The following FAM107B variants were observed in gnomAD, a reference collection of about 807,000 sequenced individuals.
The protein encoded by FAM107B is protein FAM107B.
FAM107B carries 21 observed loss-of-function variants against 31.5 expected under a neutral mutation model. That is an observed-to-expected ratio of 0.67 (90% CI 0.47 to 0.96). The LOEUF (loss-of-function observed/expected upper bound fraction) is 0.96. FAM107B is among the 40% of genes least tolerant of loss of function. The pLI, the probability that FAM107B is intolerant of heterozygous loss-of-function variation, is 0.00. For synonymous variants in FAM107B, 157 were observed against 141.5 expected (o/e 1.11, Z -0.78); for missense variants, 452 against 377.1 (o/e 1.20, Z -1.64).
chr10:14,641,528 G>A (rs754859763), intron 2 of FAM107B, among the ~76,000 whole-genome samples: 3 of 152,208 alleles, frequency 2.0e-5, no homozygotes, highest in Non-Finnish European at 4.4e-5. Context: ...CTCAGTGCCA[G>A]TATGGTTGGG....
Position 14,771,167 on chromosome 10 carries a change from GC to G in FAM107B, c.411+3085del, listed in dbSNP as rs139406116. On this transcript the variant is annotated intron_variant, in intron 1 of 4. Coordinates refer to ENST00000181796, the MANE Select transcript of FAM107B (RefSeq NM_031453.4). The stretch of plus-strand genomic sequence containing the variant: ...AGTCACTTGGTAATGAAAAATCTGG[GC>G]AGTTCTAAGCCACTTTTAATCAGAA... Among the ~76,000 whole-genome samples, 1,843 of 152,162 alleles carry G rather than the reference GC, an allele frequency of 0.012. 100 individuals are homozygous for G. The East Asian group carries it at 0.16, about 13-fold the overall frequency.
intron 3 of FAM107B, among the ~76,000 whole-genome samples, chr10:14,527,434 C>G (rs1588474880): frequency 6.6e-6 from 1 of 152,354 alleles, no homozygotes; most frequent in African/African-American, 2.4e-5. Context: ...GCCTGTAACA[C>G]ATAATCTCTG....
At chr10:14,739,991 C>A (rs1182241626) in intron 1 of FAM107B, among the ~76,000 whole-genome samples, 3 of 152,170 alleles carry the variant, frequency 2.0e-5, no homozygotes, top group Non-Finnish European at 2.9e-5. Flanking sequence ...AGATATAGAG[C>A]AACAGGAATG....
intron 2 of FAM107B, among the ~76,000 whole-genome samples, chr10:14,576,765 A>G (rs1213885656): frequency 1.3e-5 from 2 of 152,238 alleles, no homozygotes; most frequent in African/African-American, 4.8e-5. Context: ...CTACAAAATG[A>G]AAGAAGATTG....
At chr10:14,733,214 T>C (rs1856215007) in intron 1 of FAM107B, among the ~76,000 whole-genome samples, 1 of 152,010 alleles carries the variant, frequency 6.6e-6, no homozygotes, top group South Asian at 2.1e-4. Context: ...ATAACTTCTG[T>C]CACAGAAAGG....
chr10:14,593,873 G>T (rs1852096064), intron 2 of FAM107B, among the ~76,000 whole-genome samples: 1 of 152,048 alleles, frequency 6.6e-6, no homozygotes, highest in Admixed American at 6.6e-5. Flanking sequence ...GACTATATGT[G>T]GCAGGAAAAA....
intron 1 of FAM107B, among the ~76,000 whole-genome samples, chr10:14,740,368 C>G (rs1402661098): frequency 6.6e-6 from 1 of 152,174 alleles, no homozygotes; most frequent in African/African-American, 2.4e-5. Flanking sequence ...AGGATACATA[C>G]TGTATGATTC....
chr10:14,728,631 C>T (rs1856092750), intron 1 of FAM107B, among the ~76,000 whole-genome samples: 1 of 152,120 alleles, frequency 6.6e-6, no homozygotes, highest in Non-Finnish European at 1.5e-5. Context: ...CCTCTTACCG[C>T]ATGGTGATTT....
intron 2 of FAM107B, among the ~76,000 whole-genome samples, chr10:14,642,136 A>G (rs528512668): frequency 6.6e-6 from 1 of 152,358 alleles, no homozygotes; most frequent in East Asian, 1.9e-4. Flanking sequence ...GACAGACCCC[A>G]AGCAAGTCCA....
At chr10:14,719,978 G>GTA (rs1037267421) in intron 1 of FAM107B, among the ~76,000 whole-genome samples, 20 of 141,802 alleles carry the variant, frequency 1.4e-4, no homozygotes, top group African/African-American at 4.2e-4. Context: ...GACGGACTGG[G>GTA]TACCCCACAG....
chr10:14,761,136 C>A (rs934122617), intron 1 of FAM107B, among the ~76,000 whole-genome samples: 5 of 150,766 alleles, frequency 3.3e-5, no homozygotes, highest in Admixed American at 2.7e-4. Context: ...CAGGTTATTT[C>A]TTTTGTGCTT....
chr10:14,570,233 G>GGTGGGTGTGTGTGTGTGTGTGTGT (rs768204428), intron 2 of FAM107B, among the ~76,000 whole-genome samples: 1 of 140,340 alleles, frequency 7.1e-6, no homozygotes, highest in South Asian at 2.2e-4. Flanking sequence ...AAATGTGGTG[G>GGTGGGTGTGTGTGTGTGTGTGTGT]GTGTGTGTGT....
At position 14,646,816 on chromosome 10, in the gene FAM107B, C is replaced by T. The variant is rs181173598; in HGVS notation, c.469+20818G>A. Among the ~76,000 whole-genome samples, 9 of 80,720 alleles carry T rather than the reference C, an allele frequency of 1.1e-4. No homozygotes were observed. In the East Asian group the frequency reaches 1.3e-3, roughly 12 times the overall value. 53.0% of individuals were successfully genotyped at this position (80,720 alleles called of 152,430 possible). On this transcript the variant is annotated intron_variant, in intron 2 of 4. Coordinates refer to ENST00000181796, the MANE Select transcript of FAM107B (RefSeq NM_031453.4). The stretch of plus-strand genomic sequence containing the variant: ...TTTTTTTTTTTTTTTTTTTTTGAGA[C>T]GGAGTCTCACTCTGTCACCCAGGCT...
At chr10:14,540,417 G>A (rs150339623) in intron 2 of FAM107B, among the ~76,000 whole-genome samples, 6 of 152,274 alleles carry the variant, frequency 3.9e-5, no homozygotes, top group African/African-American at 9.6e-5. Flanking sequence ...GTCCACACCC[G>A]GCAGGGTTTT....
intron 1 of FAM107B, among the ~76,000 whole-genome samples, chr10:14,747,195 A>C (rs553286470): frequency 2.0e-5 from 3 of 152,136 alleles, no homozygotes; most frequent in African/African-American, 4.8e-5. Context: ...AGCTCCTGTA[A>C]TATTTTATCG....
chr10:14,643,011 C>T (rs1370692313), intron 2 of FAM107B, among the ~76,000 whole-genome samples: 1 of 152,134 alleles, frequency 6.6e-6, no homozygotes, highest in African/African-American at 2.4e-5. Flanking sequence ...AAGCCATTTC[C>T]ACATTTTTAA....
intron 1 of FAM107B, among the ~76,000 whole-genome samples, chr10:14,746,805 G>A (rs972270242): frequency 2.0e-5 from 3 of 152,036 alleles, no homozygotes; most frequent in Admixed American, 2.0e-4. Context: ...TATCTTACTG[G>A]GGTTCTCTGA....
chr10:14,716,797 T>C (rs1855788810), intron 1 of FAM107B, among the ~76,000 whole-genome samples: 1 of 152,156 alleles, frequency 6.6e-6, no homozygotes, highest in South Asian at 2.1e-4. Context: ...TCAACTATTT[T>C]AAATGACTTG....
chr10:14,613,278 C>T (rs1042331881), intron 2 of FAM107B, among the ~76,000 whole-genome samples: 1 of 152,148 alleles, frequency 6.6e-6, no homozygotes, highest in Admixed American at 6.5e-5. Flanking sequence ...AGCCCATAAA[C>T]TTTCAATGAA....
Sources: allele counts gnomAD v4.1 joint callset (sites outside exome capture counted in the v4.1 genomes callset), GRCh38; gene constraint gnomAD v4.1.1; transcripts MANE v1.5; gene names NCBI Gene and HGNC (gene_info 2026-07-23, HGNC 2026-07-21).